Variants in PAK5 observed in about 807,000 individuals in gnomAD.
PAK5 encodes serine/threonine-protein kinase PAK 5.
A neutral mutation model predicts 65.9 loss-of-function variants in PAK5; 16 were observed. The ratio of observed to expected loss-of-function variants is 0.24; its 90% CI spans 0.16 to 0.37. The LOEUF (loss-of-function observed/expected upper bound fraction) is 0.37. PAK5 is among the 10% of genes least tolerant of loss of function. The probability of loss-of-function intolerance (pLI) is 1.00; values close to 1 mark genes in which losing one functional copy is unlikely to be tolerated. For synonymous variants in PAK5, 371 were observed against 354.9 expected, an observed-to-expected ratio of 1.05 and a Z score of -0.51; for missense variants, 785 against 903.9, an observed-to-expected ratio of 0.87 and a Z score of 1.69.
intron 1 of PAK5, among the ~76,000 whole-genome samples, chr20:9,766,126 G>A (rs1456949232): frequency 2.6e-5 from 4 of 151,600 alleles, no homozygotes; most frequent in Non-Finnish European, 5.9e-5. Context: ...GGAGGCTGGG[G>A]CAGAAGAATC....
At position 9,742,624 on chromosome 20, in the gene PAK5, T is replaced by C. The variant is rs555375947; in HGVS notation, c.-161-31189A>G. ...CCTCTTTCATTTCTGCTGTTTTCCC[T>C]ATATTCCTGTTGCAGAAAACTCTCT... On this transcript the variant is annotated intron_variant, in intron 1 of 9. Transcript: ENST00000353224. Among the ~76,000 whole-genome samples the C allele has an allele frequency of 2.0e-5, 3 of 152,296 alleles. No homozygotes were observed. In the South Asian group the frequency reaches 6.2e-4, roughly 32 times the overall value.
chr20:9,685,857 C>G (rs1448615363), intron 2 of PAK5, among the ~76,000 whole-genome samples: 1 of 152,184 alleles, frequency 6.6e-6, no homozygotes, highest in African/African-American at 2.4e-5. Flanking sequence ...ATGACACCCT[C>G]TGTGTTATGA....
At chr20:9,572,321 T>C (rs1357790749) in intron 4 of PAK5, among the ~76,000 whole-genome samples, 1 of 152,088 alleles carries the variant, frequency 6.6e-6, no homozygotes, top group Non-Finnish European at 1.5e-5. Flanking sequence ...TGGACTTTCA[T>C]AGTCATGTAA....
intron 3 of PAK5, among the ~76,000 whole-genome samples, chr20:9,596,624 A>T (rs1244959115): frequency 7.8e-6 from 1 of 128,788 alleles, no homozygotes; most frequent in Non-Finnish European, 1.6e-5. Context: ...CGACAGAGCG[A>T]GACTCCGTCT....
intron 1 of PAK5, among the ~76,000 whole-genome samples, chr20:9,725,777 A>AATT (rs1436537831): frequency 6.6e-6 from 1 of 152,190 alleles, no homozygotes; most frequent in East Asian, 1.9e-4. Flanking sequence ...TTTAAAGAGT[A>AATT]TTAAAACTAG....
intron 3 of PAK5, among the ~76,000 whole-genome samples, chr20:9,621,433 A>T (rs2046766692): frequency 6.7e-6 from 1 of 150,332 alleles, no homozygotes; most frequent in African/African-American, 2.4e-5. Context: ...AGACACACCT[A>T]GGCATATCCT....
chr20:9,620,481 G>A (rs1473717685), intron 3 of PAK5, among the ~76,000 whole-genome samples: 2 of 152,218 alleles, frequency 1.3e-5, no homozygotes, highest in East Asian at 3.9e-4. Context: ...TGGGGCTGAT[G>A]GGCAGTTGGA....
chr20:9,645,399 A>G (rs2047120655), intron 2 of PAK5, among the ~76,000 whole-genome samples: 1 of 152,226 alleles, frequency 6.6e-6, no homozygotes, highest in Admixed American at 6.5e-5. Flanking sequence ...ATTCACTGTG[A>G]TCCCAGATAA....
At position 9,559,269 on chromosome 20, in the gene PAK5, G is replaced by A. The variant is rs112688932; in HGVS notation, c.1617-1535C>T. ...AGAGGAGACTGTCAGGAGAGACAGA[G>A]GGTGTAAATGACCAGAGCCCAAATT... On this transcript the variant is annotated intron_variant, in intron 6 of 9. Coordinates refer to ENST00000353224, the MANE Select transcript of PAK5 (RefSeq NM_177990.4). Among the ~76,000 whole-genome samples, 667 of 152,264 alleles carry A rather than the reference G, an allele frequency of 4.4e-3. 6 individuals carry two copies. Among genetic ancestry groups the A allele is most frequent in the African/African-American group, 0.015 (636 of 41,568 alleles).
At chr20:9,749,395 A>G (rs1203876640) in intron 1 of PAK5, among the ~76,000 whole-genome samples, 4 of 152,170 alleles carry the variant, frequency 2.6e-5, no homozygotes, top group Non-Finnish European at 1.5e-5. Flanking sequence ...TTGAATGTAT[A>G]CAATTGGTTT....
chr20:9,566,124 G>T lies in PAK5; in HGVS notation c.1251C>A (p.Gly417=). ...TGGAGGGCTGCTGGTCGGAGGAGGA[G>T]CCCCAGCTGGGCGGCGGGTAGGTGC... ...SSSTYPPPSW[G]SSSDQQPSRV... Residue 417 remains glycine, a synonymous_variant, in exon 5 of 10, where the codon GGC becomes GGA. Coordinates refer to ENST00000353224, the MANE Select transcript of PAK5 (RefSeq NM_177990.4). 2.5e-6 allele frequency: 4 copies of T among 1,613,950 alleles called. No homozygotes were observed. The highest frequency in any genetic ancestry group is 3.4e-6 in the Non-Finnish European group (4 of 1,179,938).
intron 1 of PAK5, among the ~76,000 whole-genome samples, chr20:9,730,168 GATT>G (rs1439579817): frequency 2.0e-5 from 3 of 151,602 alleles, no homozygotes; most frequent in African/African-American, 4.8e-5. Flanking sequence ...AAATATTTAA[GATT>G]ATTTTTATTA....
intron 1 of PAK5, among the ~76,000 whole-genome samples, chr20:9,814,577 A>C (rs1415831187): frequency 2.6e-5 from 4 of 152,196 alleles, no homozygotes; most frequent in African/African-American, 9.6e-5. Flanking sequence ...ACCTTGTAAA[A>C]GTGTTCTTTT....
At chr20:9,754,031 G>A (rs1348174052) in intron 1 of PAK5, among the ~76,000 whole-genome samples, 1 of 152,090 alleles carries the variant, frequency 6.6e-6, no homozygotes, top group Non-Finnish European at 1.5e-5. Context: ...TCCTACCTAA[G>A]ATGCCTTTTT....
Position 9,604,744 on chromosome 20 carries a change from C to T in PAK5, c.205-23814G>A, listed in dbSNP as rs149787895. ...AAAATGACACCTCTTTCTCCTCCCT[C>T]TTTAGACATTTAGAGAAAAGATACC... On this transcript the variant is annotated intron_variant, in intron 3 of 9. Transcript: ENST00000353224. Among the ~76,000 whole-genome samples the T allele has an allele frequency of 2.9e-3, 440 of 152,300 alleles. 3 individuals carry two copies. The highest frequency in any genetic ancestry group is 9.7e-3 in the African/African-American group (404 of 41,554).
intron 7 of PAK5, among the ~76,000 whole-genome samples, chr20:9,551,143 T>C (rs1370809859): frequency 6.6e-6 from 1 of 152,146 alleles, no homozygotes; most frequent in Non-Finnish European, 1.5e-5. Flanking sequence ...AAGAACATAA[T>C]TGCACACAAC....
At chr20:9,790,090 G>T (rs1448299163) in intron 1 of PAK5, among the ~76,000 whole-genome samples, 2 of 152,080 alleles carry the variant, frequency 1.3e-5, no homozygotes, top group African/African-American at 2.4e-5. Context: ...GCTTTTCCAT[G>T]ACAGCCCAAA....
In PAK5 at chr20:9,580,319, G is replaced by A. The variant is rs2045955287; in HGVS notation, c.816C>T (p.Tyr272=). 6.2e-7 allele frequency: 1 copy of A among 1,614,140 alleles called. No homozygotes were observed. The highest frequency in any genetic ancestry group is 1.3e-5 in the African/African-American group (1 of 75,022). ...DDYDRRPKSS[Y]LNQTSPQPTM... is the part of the protein sequence containing the mutation. ...TGGGCTGAGGGCTTGTCTGATTCAG[G>A]TACGAAGACTTTGGCCTCCTGTCAT... Residue 272 remains tyrosine, a synonymous_variant, in exon 4 of 10, where the codon TAC becomes TAT. Transcript: ENST00000353224.
chr20:9,722,757 T>C (rs1023601573), intron 1 of PAK5, among the ~76,000 whole-genome samples: 1 of 152,040 alleles, frequency 6.6e-6, no homozygotes, highest in Non-Finnish European at 1.5e-5. Flanking sequence ...TTTTTTTTTT[T>C]TAGAAGGCTT....
Sources: allele counts gnomAD v4.1 joint callset (sites outside exome capture counted in the v4.1 genomes callset), GRCh38; gene constraint gnomAD v4.1.1; transcripts MANE v1.5; gene names NCBI Gene and HGNC (gene_info 2026-07-23, HGNC 2026-07-21).